MYO18B: variants seen among roughly 807,000 people sequenced by gnomAD.
MYO18B encodes the protein myosin XVIIIB, also known as unconventional myosin-XVIIIb.
MYO18B carries 204 observed loss-of-function variants against 273.0 expected under a neutral mutation model. That is an observed-to-expected ratio of 0.75 (90% CI 0.67 to 0.84). MYO18B has a LOEUF of 0.84. MYO18B is among the 40% of genes least tolerant of loss of function. The pLI, the probability that MYO18B is intolerant of heterozygous loss-of-function variation, is 0.00. For missense variants in MYO18B, 3,212 were observed against 3,287.6 expected, an observed-to-expected ratio of 0.98 and a Z score of 0.56; for synonymous variants, 1,330 against 1,305.7, an observed-to-expected ratio of 1.02 and a Z score of -0.40.
chr22:25,814,595 G>A (rs186360617), intron 12 of MYO18B, among the ~76,000 whole-genome samples: 4 of 152,168 alleles, frequency 2.6e-5, no homozygotes, highest in Admixed American at 2.0e-4. Flanking sequence ...GTGCTCTCCA[G>A]GGTCCCTTTT....
At chr22:25,843,357 A>G (rs2090140495) in intron 17 of MYO18B, among the ~76,000 whole-genome samples, 1 of 152,246 alleles carries the variant, frequency 6.6e-6, no homozygotes, top group African/African-American at 2.4e-5. Flanking sequence ...TGCACATCAA[A>G]TCGGCAATAT....
At chr22:25,787,775 T>C (rs1382931022) in intron 11 of MYO18B, among the ~76,000 whole-genome samples, 1 of 152,120 alleles carries the variant, frequency 6.6e-6, no homozygotes, top group Non-Finnish European at 1.5e-5. Context: ...CTCAGCAGTG[T>C]GTTCTTTTTT....
At chr22:25,791,472 C>G (rs958636235) in intron 11 of MYO18B, among the ~76,000 whole-genome samples, 1 of 152,206 alleles carries the variant, frequency 6.6e-6, no homozygotes, top group South Asian at 2.1e-4. Context: ...CACACTGTGC[C>G]CTTGCTGCCT....
intron 42 of MYO18B, among the ~76,000 whole-genome samples, chr22:26,005,202 G>A (rs893325361): frequency 6.6e-6 from 1 of 152,094 alleles, no homozygotes; most frequent in Admixed American, 6.5e-5. Flanking sequence ...AGTTGTTATA[G>A]TTGCCTTCTA....
In MYO18B at chr22:25,980,662, A is replaced by G. The variant is rs9608436; in HGVS notation, c.6157-11701A>G. ...TAATAGATTTAAGGATGATTTTCAA[A>G]GTTTTCTTTTGTCACTTTTTAAATG... On this transcript the variant is annotated intron_variant, in intron 39 of 43. Coordinates refer to ENST00000335473, the MANE Select transcript of MYO18B (RefSeq NM_032608.7). 4.0e-3 allele frequency among the ~76,000 whole-genome samples: 615 copies of G among 152,344 alleles called. 2 individuals carry two copies. The highest frequency in any genetic ancestry group is 7.9e-3 in the South Asian group (38 of 4,828).
chr22:25,992,063 G>A (rs1304214189), intron 39 of MYO18B, among the ~76,000 whole-genome samples: 6 of 152,192 alleles, frequency 3.9e-5, no homozygotes. Flanking sequence ...GTGCGTGGTG[G>A]TGCAGATTCA....
At chr22:25,805,073 G>A (rs953937424) in intron 12 of MYO18B, among the ~76,000 whole-genome samples, 12 of 152,146 alleles carry the variant, frequency 7.9e-5, no homozygotes, top group African/African-American at 2.4e-4. Context: ...CACTCCTCAT[G>A]TACAGGTTCT....
intron 32 of MYO18B, among the ~76,000 whole-genome samples, chr22:25,910,020 T>TG (rs886068027): frequency 1.9e-4 from 29 of 151,958 alleles, no homozygotes; most frequent in Admixed American, 1.4e-3. Context: ...GAGAGGCTGG[T>TG]GGGGGTGGTC....
the MYO18B span, among the ~76,000 whole-genome samples, chr22:26,061,327 A>G: frequency 1.2e-4 from 18 of 152,158 alleles, no homozygotes; most frequent in African/African-American, 3.9e-4. Flanking sequence ...GGATCCTGAC[A>G]GGTCCAGGTC....
intron 39 of MYO18B, among the ~76,000 whole-genome samples, chr22:25,985,795 A>T (rs1026661368): frequency 1.3e-5 from 2 of 151,992 alleles, no homozygotes; most frequent in African/African-American, 4.8e-5. Context: ...ACACTCGGCT[A>T]AATTTTTTGT....
intron 37 of MYO18B, among the ~76,000 whole-genome samples, chr22:25,950,987 A>G (rs893234232): frequency 2.0e-5 from 3 of 152,220 alleles, no homozygotes; most frequent in South Asian, 2.1e-4. Context: ...TTGGAATTCA[A>G]TGTTCAAGGG....
chr22:25,878,017 T>C lies in MYO18B; in HGVS notation c.4283T>C (p.Leu1428Pro). The C allele has an allele frequency of 1.3e-6, 2 of 1,584,624 alleles. No homozygotes were observed. The highest frequency in any genetic ancestry group is 2.3e-5 in the South Asian group (2 of 86,054). The change falls in exon 25 of 44, where the codon CTC becomes CCC. Residue 1428 changes from leucine (L) to proline (P), a missense_variant. By Grantham distance (98) the Leu-to-Pro change is moderately conservative. Coordinates refer to ENST00000335473, the MANE Select transcript of MYO18B (RefSeq NM_032608.7). ...AAATCAGAGAAGTTGCGGAATGAAC[T>C]CCGGCAGAACACAGATCTGCTAGAA... ...LEKSEKLRNE[L>P]RQNTDLLESK...
chr22:26,044,746 G>C, the MYO18B span, among the ~76,000 whole-genome samples: 2 of 152,212 alleles, frequency 1.3e-5, no homozygotes, highest in Admixed American at 6.5e-5. Flanking sequence ...CACTTCTGAC[G>C]TGGAGAAAAC....
At chr22:25,753,526 T>G (rs1287569824) in intron 1 of MYO18B, among the ~76,000 whole-genome samples, 1 of 152,118 alleles carries the variant, frequency 6.6e-6, no homozygotes, top group Non-Finnish European at 1.5e-5. Flanking sequence ...CCCGCCCGGG[T>G]CTCCTTCCGC....
intron 12 of MYO18B, among the ~76,000 whole-genome samples, chr22:25,820,452 A>G (rs1445731784): frequency 6.6e-6 from 1 of 152,212 alleles, no homozygotes; most frequent in African/African-American, 2.4e-5. Flanking sequence ...TGATTGATTG[A>G]AAAATCCCTG....
intron 38 of MYO18B, among the ~76,000 whole-genome samples, chr22:25,954,748 G>C (rs2092829137): frequency 6.6e-6 from 1 of 152,116 alleles, no homozygotes; most frequent in Non-Finnish European, 1.5e-5. Context: ...GTCTCTCTCT[G>C]TCACCCAGGC....
At chr22:26,043,766 G>A in the MYO18B span, among the ~76,000 whole-genome samples, 16 of 151,926 alleles carry the variant, frequency 1.1e-4, no homozygotes, top group South Asian at 4.2e-4. Context: ...CACCTGCCTC[G>A]TTGGCCTCCC....
At chr22:25,929,383 C>T (rs1466245255) in intron 34 of MYO18B, among the ~76,000 whole-genome samples, 2 of 151,962 alleles carry the variant, frequency 1.3e-5, no homozygotes, top group East Asian at 3.9e-4. Flanking sequence ...GGAATGTTTC[C>T]ACTGGAAACA....
chr22:26,026,362 T>C, intron 42 of MYO18B, 83 bp from the exon 43 acceptor site: 1 of 1,445,434 alleles, frequency 6.9e-7, no homozygotes, highest in Non-Finnish European at 9.3e-7. Context: ...TATTAGTGCC[T>C]GTGCTTAGGG....
Sources: gnomAD v4.1 joint callset for allele counts (sites outside exome capture counted in the v4.1 genomes callset) on GRCh38, gnomAD v4.1.1 for gene constraint, MANE v1.5 for transcripts, NCBI Gene and HGNC (gene_info 2026-07-23, HGNC 2026-07-21) for gene names.